The following DSC1 variants were observed in gnomAD, a reference collection of about 807,000 sequenced individuals.
DSC1 encodes the protein desmocollin-1.
In DSC1, 79 loss-of-function variants were observed where a neutral mutation model predicts 98.8. The ratio of observed to expected loss-of-function variants is 0.80; its 90% confidence interval spans 0.67 to 0.96. The LOEUF (loss-of-function observed/expected upper bound fraction) is 0.96. Among genes scored for constraint, DSC1 ranks in the 50% least tolerant of loss-of-function variants. The probability of loss-of-function intolerance (pLI) is 0.00; values close to 1 mark genes in which losing one functional copy is unlikely to be tolerated. For synonymous variants in DSC1, 405 were observed against 372.1 expected (o/e 1.09, Z -1.02); for missense variants, 1,115 against 1,075.9 (o/e 1.04, Z -0.51).
At chr18:31,142,843 T>C (rs1470916831) in intron 8 of DSC1, among the ~76,000 whole-genome samples, 1 of 152,070 alleles carries the variant, frequency 6.6e-6, no homozygotes, top group Non-Finnish European at 1.5e-5. Flanking sequence ...TGAATCCTGG[T>C]TATTCCTTGT....
In DSC1 at chr18:31,142,064, C is replaced by A; in HGVS notation, c.1195G>T (p.Glu399Ter). The A allele has an allele frequency of 6.2e-7, 1 of 1,613,052 alleles. No homozygotes were observed. The highest frequency in any genetic ancestry group is 8.5e-7 in the Non-Finnish European group (1 of 1,179,662). The change falls in exon 9 of 16, where the codon GAA becomes TAA. Residue 399 changes from glutamate to a stop codon, truncating the protein, a stop_gained. Coordinates refer to ENST00000257198, the MANE Select transcript of DSC1 (RefSeq NM_024421.2). LOFTEE classifies it high-confidence loss of function. Reference protein sequence around the residue: ...KAVYKILQGNENGNFIISTDP... With the variant: ...KAVYKILQGN ...GTGCTAATTATGAAGTTTCCATTTT[C>A]ATTTCCTTGTAGGATTTTGTATACA...
intron 7 of DSC1, among the ~76,000 whole-genome samples, chr18:31,144,961 A>G (rs1353795011): frequency 1.7e-5 from 2 of 118,832 alleles, no homozygotes; most frequent in African/African-American, 3.4e-5. Context: ...TTTTTTTGAG[A>G]CGGAGTCTCG....
At chr18:31,135,447 A>G (rs1171851514) in intron 11 of DSC1, among the ~76,000 whole-genome samples, 1 of 152,158 alleles carries the variant, frequency 6.6e-6, no homozygotes, top group African/African-American at 2.4e-5. Flanking sequence ...AGTAAGTTGT[A>G]TTCACCTTGA....
Position 31,152,684 on chromosome 18 carries a change from C to A in DSC1, c.627+2090G>T, listed in dbSNP as rs186726260. Among the ~76,000 whole-genome samples the A allele has an allele frequency of 1.6e-4, 25 of 152,064 alleles. No individual in the cohort carries two copies. The East Asian group carries it at 4.9e-3, about 30-fold the overall frequency. On this transcript the variant is annotated intron_variant, in intron 5 of 15. Transcript: ENST00000257198. ...AGCAGCCCATAAACAAAGAAGAAAGCGAACTCTAGGAGGTTGTGATTTGTT... is the reference window on the plus strand; with the variant it reads ...AGCAGCCCATAAACAAAGAAGAAAGAGAACTCTAGGAGGTTGTGATTTGTT...
intron 8 of DSC1, among the ~76,000 whole-genome samples, chr18:31,142,634 C>T (rs1313491485): frequency 6.6e-6 from 1 of 151,870 alleles, no homozygotes; most frequent in Non-Finnish European, 1.5e-5. Context: ...TCCAAATGTA[C>T]TTTTGATTCA....
At chr18:31,135,921 A>G (rs1988600157) in intron 11 of DSC1, among the ~76,000 whole-genome samples, 1 of 152,144 alleles carries the variant, frequency 6.6e-6, no homozygotes, top group Admixed American at 6.6e-5. Context: ...TCCCATGCAA[A>G]TATAATTTAT....
rs201513884 is a variant in DSC1 at position 31,131,605 on chromosome 18, G to A, written c.2476C>T (p.Arg826Trp). 1.7e-4 allele frequency: 271 copies of A among 1,613,856 alleles called. No individual in the cohort carries two copies. Among genetic ancestry groups the A allele is most frequent in the Admixed American group, 1.5e-4 (9 of 59,966 alleles). ...ACAGTGGAACTTACTTCGCCAAGCC[G>A]AGGTTGGGTGAAACTCTGCCAGTCC... is the stretch of plus-strand genomic sequence containing the variant. Reference protein sequence around the residue: ...YTDWQSFTQPRLGEKVYLCGQ... With the variant: ...YTDWQSFTQPWLGEKVYLCGQ... Residue 826 changes from arginine (R) to tryptophan (W), a missense_variant, in exon 15 of 16, where the codon CGG (arginine) becomes TGG (tryptophan). Arg to Trp is a moderately radical substitution (Grantham distance 101). Coordinates refer to ENST00000257198, the MANE Select transcript of DSC1 (RefSeq NM_024421.2).
intron 13 of DSC1, among the ~76,000 whole-genome samples, chr18:31,133,121 G>T (rs985284159): frequency 6.6e-6 from 1 of 151,982 alleles, no homozygotes; most frequent in Non-Finnish European, 1.5e-5. Flanking sequence ...AGTGCTAAGA[G>T]GAATATCCAA....
At position 31,142,151 on chromosome 18, in the gene DSC1, C is replaced by T. The variant is rs756388543; in HGVS notation, c.1108G>A (p.Val370Met). Reference protein sequence around the residue: ...VTEVEENRIDVEILRMKVQDQ... With the variant: ...VTEVEENRIDMEILRMKVQDQ... ...TGTACCTTCATTCGTAAAATCTCCA[C>T]GTCAATTCTGTTTTCTTCTACTTCT... is the stretch of plus-strand genomic sequence containing the variant. The change falls in exon 9 of 16, where the codon GTG becomes ATG. Residue 370 changes from valine to methionine, a missense_variant. Physicochemically the swap from Val to Met is conservative, Grantham distance 21 (BLOSUM62 1). Transcript: ENST00000257198. The T allele has an allele frequency of 2.2e-5, 36 of 1,612,520 alleles. No homozygotes were observed. In the Middle Eastern group the frequency reaches 4.9e-4, roughly 22 times the overall value.
intron 6 of DSC1, among the ~76,000 whole-genome samples, chr18:31,147,093 T>C (rs1988861396): frequency 6.6e-6 from 1 of 152,182 alleles, no homozygotes; most frequent in Admixed American, 6.5e-5. Context: ...GTCAGTCTTG[T>C]TATACCCCTT....
Position 31,139,864 on chromosome 18 carries a change from T to G in DSC1, c.1547A>C (p.Asn516Thr), listed in dbSNP as rs775927656. Reference protein sequence around the residue: ...LRYQKLGDEDNWFEINQHTGD... With the variant: ...LRYQKLGDEDTWFEINQHTGD... ...AGTGTGTTGATTAATTTCAAACCAG[T>G]TATCTTCATCCCCTAACTTCTGATA... The change falls in exon 11 of 16, where the codon AAC becomes ACC. Residue 516 changes from asparagine (N) to threonine (T), a missense_variant. Physicochemically the swap from Asn to Thr is moderately conservative, Grantham distance 65. Coordinates refer to ENST00000257198, the MANE Select transcript of DSC1 (RefSeq NM_024421.2). 12 of 1,609,358 alleles carry G rather than the reference T, an allele frequency of 7.5e-6. No homozygotes were observed. In the East Asian group the frequency reaches 2.5e-4, roughly 33 times the overall value.
At chr18:31,145,972 C>T (rs1035198819) in intron 6 of DSC1, among the ~76,000 whole-genome samples, 195 bp from the exon 7 acceptor site, 5 of 152,250 alleles carry the variant, frequency 3.3e-5, no homozygotes, top group Middle Eastern at 3.4e-3. Context: ...AGTTAGGTGG[C>T]CCCTGTGAAT....
At chr18:31,132,355 G>A (rs761067511) in intron 14 of DSC1, 30 of 511,742 alleles carry the variant, frequency 5.9e-5, no homozygotes, top group African/African-American at 4.7e-4. Context: ...AACAATACTT[G>A]TCTGTTGTTT....
chr18:31,142,262 G>T, intron 8 of DSC1, 78 bp from the exon 9 acceptor site: 1 of 1,458,944 alleles, frequency 6.9e-7, no homozygotes, highest in East Asian at 2.4e-5. Context: ...CGTATTTAAA[G>T]AAAAAAATAA....
chr18:31,150,170 ACCACCAC>A (rs1988937728), intron 5 of DSC1, among the ~76,000 whole-genome samples: 1 of 145,182 alleles, frequency 6.9e-6, no homozygotes. Context: ...CACCACCATC[ACCACCAC>A]TACCATCACC....
Position 31,130,439 on chromosome 18 carries a change from A to G in DSC1, c.*75T>C. The G allele has an allele frequency of 6.5e-7, 1 of 1,538,398 alleles. No homozygotes were observed. Among genetic ancestry groups the G allele is most frequent in the South Asian group, 1.2e-5 (1 of 85,080 alleles). On this transcript the variant is annotated 3_prime_UTR_variant, in exon 16 of 16. Coordinates refer to ENST00000257198, the MANE Select transcript of DSC1 (RefSeq NM_024421.2). ...TACCTCCATAAACAAAAACATTAGC[A>G]GATGCTGCTAACATTCTGCAAGTAA...
At chr18:31,149,079 C>T (rs1461910144) in intron 5 of DSC1, among the ~76,000 whole-genome samples, 1 of 152,110 alleles carries the variant, frequency 6.6e-6, no homozygotes, top group African/African-American at 2.4e-5. Context: ...TATATTTTCT[C>T]ATTTTTCTAT....
Position 31,132,655 on chromosome 18 carries a change from C to A in DSC1, c.2151G>T (p.Lys717Asn), listed in dbSNP as rs1453862484. 1 of 1,613,278 alleles carries A rather than the reference C, an allele frequency of 6.2e-7. No individual in the cohort carries two copies. The highest frequency in any genetic ancestry group is 8.5e-7 in the Non-Finnish European group (1 of 1,179,596). Residue 717 changes from lysine to asparagine, a missense_variant, in exon 14 of 16, where the codon AAG becomes AAT. Coordinates refer to ENST00000257198, the MANE Select transcript of DSC1 (RefSeq NM_024421.2). ...ILFTCFCVTAKRTVKKCFPED... is the reference protein window; with the variant it reads ...ILFTCFCVTANRTVKKCFPED... ...CTGGAAAACATTTCTTGACTGTTCT[C>A]TTAGCAGTGACACAGAAACATGTAA... is the stretch of plus-strand genomic sequence containing the variant.
At chr18:31,152,059 G>T (rs2144953505) in intron 5 of DSC1, among the ~76,000 whole-genome samples, 1 of 152,240 alleles carries the variant, frequency 6.6e-6, no homozygotes, top group Admixed American at 6.5e-5. Flanking sequence ...CTACTCGGGA[G>T]GTTGAGGCAG....
Sources: gnomAD v4.1 joint callset for allele counts (sites outside exome capture counted in the v4.1 genomes callset) on GRCh38, gnomAD v4.1.1 for gene constraint, MANE v1.5 for transcripts, NCBI Gene and HGNC (gene_info 2026-07-23, HGNC 2026-07-21) for gene names.